The following ZHX3 variants were observed in gnomAD, a reference collection of about 807,000 sequenced individuals.
ZHX3 encodes zinc fingers and homeoboxes protein 3.
Under a neutral mutation model 64.5 loss-of-function variants are expected in ZHX3, and 20 were observed. The ratio of observed to expected loss-of-function variants is 0.31; its 90% CI spans 0.22 to 0.45. The LOEUF (loss-of-function observed/expected upper bound fraction) is 0.45. Among genes scored for constraint, ZHX3 ranks in the 20% least tolerant of loss-of-function variants. The pLI is 1.00. For synonymous variants in ZHX3, 423 were observed against 461.6 expected (o/e 0.92, Z 1.07); for missense variants, 1,041 against 1,195.8 (o/e 0.87, Z 1.91).
rs1307576355 is a variant in ZHX3 at position 41,288,857 on chromosome 20, T to C, written c.-244-19774A>G. 3.3e-5 allele frequency among the ~76,000 whole-genome samples: 5 copies of C among 152,252 alleles called. No homozygotes were observed. In the East Asian group the frequency reaches 7.7e-4, roughly 23 times the overall value. On this transcript the variant is annotated intron_variant, in intron 1 of 3. Coordinates refer to ENST00000683867, the MANE Select transcript of ZHX3 (RefSeq NM_001384317.1). ...AAAGTGACTTTGAATTTCAGGACTC[T>C]ATAATTTCATTCATTTAATTGTATG...
chr20:41,316,284 T>C (rs890816607), intron 1 of ZHX3, among the ~76,000 whole-genome samples: 2 of 152,234 alleles, frequency 1.3e-5, no homozygotes, highest in African/African-American at 4.8e-5. Flanking sequence ...TTTGATACTA[T>C]TTTGCGCTTC....
chr20:41,284,757 A>G (rs1342248878), intron 1 of ZHX3, among the ~76,000 whole-genome samples: 1 of 152,092 alleles, frequency 6.6e-6, no homozygotes, highest in African/African-American at 2.4e-5. Context: ...CATCAAATCT[A>G]GGGATGTTAT....
intron 2 of ZHX3, among the ~76,000 whole-genome samples, chr20:41,261,758 A>C (rs1005627698): frequency 1.3e-5 from 2 of 152,250 alleles, no homozygotes; most frequent in Admixed American, 6.5e-5. Flanking sequence ...GAGGGATTTT[A>C]TCTCTCTTCT....
intron 2 of ZHX3, among the ~76,000 whole-genome samples, chr20:41,263,979 A>G (rs766910522): frequency 6.6e-6 from 1 of 151,864 alleles, no homozygotes; most frequent in Non-Finnish European, 1.5e-5. Flanking sequence ...GGACACAAAA[A>G]GAAGCAATAA....
rs1194911572 is a variant in ZHX3 at position 41,232,015 on chromosome 20, T to C, written c.-150-26949A>G. Among the ~76,000 whole-genome samples, 1 of 152,142 alleles carries C rather than the reference T, an allele frequency of 6.6e-6. No individual in the cohort carries two copies. The highest frequency in any genetic ancestry group is 2.4e-5 in the African/African-American group (1 of 41,434). ...TTAAAACAACCACATTCCGTACCAT[T>C]AGACGCTGACAGCCCAGACCCCACC... On this transcript the variant is annotated intron_variant, in intron 2 of 3. Transcript: ENST00000683867. This position sits in a 1 kb window ranked among gnomAD's most constrained non-coding sequence, Gnocchi z 5.0.
rs527915264 is a variant in ZHX3, at chr20:41,203,993, C to T, written c.924G>A (p.Thr308=). 4.5e-5 allele frequency: 73 copies of T among 1,614,186 alleles called. No homozygotes were observed. In the South Asian group the frequency reaches 6.8e-4, roughly 15 times the overall value. The change falls in exon 3 of 4, where the codon ACG becomes ACA. Residue 308 remains threonine (T), a synonymous_variant. Transcript: ENST00000683867. This position sits in a 1 kb window ranked among gnomAD's most constrained non-coding sequence, Gnocchi z 7.1. Reference sequence around the variant, plus strand: ...TGTTAGAGTCCATGGCTGCATTGTACGTTGGAATGCTGCTCAGGGGGATCA... The same window carrying T: ...TGTTAGAGTCCATGGCTGCATTGTATGTTGGAATGCTGCTCAGGGGGATCA... ...KVMIPLSSIP[T]YNAAMDSNSF...
At chr20:41,190,221 T>C (rs4344974) in intron 3 of ZHX3, among the ~76,000 whole-genome samples, 88,239 of 152,060 alleles carry the variant, frequency 0.58, 26,921 homozygotes, top group East Asian at 0.82. Flanking sequence ...GTAGCCCAGG[T>C]GGAAGCACAG....
intron 1 of ZHX3, among the ~76,000 whole-genome samples, chr20:41,274,573 T>C (rs1047250731): frequency 6.6e-6 from 1 of 152,198 alleles, no homozygotes. Flanking sequence ...ATACAATCTG[T>C]TTTTTGCTCA....
chr20:41,203,674 C>A lies in ZHX3; in HGVS notation c.1243G>T (p.Val415Leu). Reference protein sequence around the residue: ...LIQAALPGHVVGQPEGTGGGL... With the variant: ...LIQAALPGHVLGQPEGTGGGL... ...CCTCCTGTACCCTCTGGCTGCCCCA[C>A]AACGTGACCTGGAAGAGCGGCCTGG... is the stretch of plus-strand genomic sequence containing the variant. The change falls in exon 3 of 4, where the codon GTG becomes TTG. Residue 415 changes from valine to leucine, a missense_variant. Physicochemically the swap from Val to Leu is conservative, Grantham distance 32 (BLOSUM62 1). This residue lies in a region of ZHX3 where 649 missense variants were observed against 739.8 expected (regional missense o/e 0.88). Transcript: ENST00000683867. The surrounding 1 kb of genome is among the most constrained non-coding windows in gnomAD (Gnocchi z 7.1). The A allele has an allele frequency of 1.9e-6, 3 of 1,614,150 alleles. No individual in the cohort carries two copies. In the South Asian group the frequency reaches 3.3e-5, roughly 18 times the overall value.
rs1278141661 is a variant in ZHX3 at position 41,178,833 on chromosome 20, C to A, written c.*6358G>T. On this transcript the variant is annotated 3_prime_UTR_variant, in exon 4 of 4. Transcript: ENST00000683867. Reference sequence around the variant, plus strand: ...CACCTGGCCATGGCAGGAGATGGGACCCTCTTGCAGAGTTTGGCTAAAGTT... The same window carrying A: ...CACCTGGCCATGGCAGGAGATGGGAACCTCTTGCAGAGTTTGGCTAAAGTT... 1 of 152,656 alleles carries A rather than the reference C, an allele frequency of 6.6e-6. No homozygotes were observed. The highest frequency in any genetic ancestry group is 1.5e-5 in the Non-Finnish European group (1 of 68,050). 9.5% of individuals were successfully genotyped at this position (152,656 alleles called of 1,614,324 possible). A position where few individuals can be genotyped will look rare whatever the true frequency, so the allele number is the denominator to read the frequency against.
At chr20:41,209,100 AAG>A in intron 2 of ZHX3, among the ~76,000 whole-genome samples, 1 of 152,318 alleles carries the variant, frequency 6.6e-6, no homozygotes, top group East Asian at 1.9e-4. Flanking sequence ...GATTGCTTCA[AAG>A]AGAATAAAAT....
At chr20:41,221,219 G>A (rs776657642) in intron 2 of ZHX3, among the ~76,000 whole-genome samples, 11 of 152,088 alleles carry the variant, frequency 7.2e-5, no homozygotes, top group African/African-American at 1.4e-4. Context: ...TAGTCTGAGC[G>A]TATTTATCAC....
intron 3 of ZHX3, among the ~76,000 whole-genome samples, chr20:41,199,393 T>A (rs2038030634): frequency 6.6e-6 from 1 of 152,174 alleles, no homozygotes; most frequent in Non-Finnish European, 1.5e-5. Context: ...GATTGCTGAT[T>A]TTTGCTTATT....
At chr20:41,205,599 T>C (rs1198218699) in intron 2 of ZHX3, among the ~76,000 whole-genome samples, 1 of 152,178 alleles carries the variant, frequency 6.6e-6, no homozygotes, top group Non-Finnish European at 1.5e-5. Context: ...GAAGACCGGC[T>C]GCTGTAAGAG....
chr20:41,218,328 A>C (rs2039692872), intron 2 of ZHX3, among the ~76,000 whole-genome samples: 1 of 152,068 alleles, frequency 6.6e-6, no homozygotes, highest in Admixed American at 6.6e-5. Context: ...GCTTGTAGTC[A>C]CAGCTAATTG....
At position 41,184,759 on chromosome 20, in the gene ZHX3, G is replaced by A. The variant is rs2036379830; in HGVS notation, c.*432C>T. On this transcript the variant is annotated 3_prime_UTR_variant, in exon 4 of 4. Transcript: ENST00000683867. ...AGCAATCCCCAGAGAACAGACACAG[G>A]TCATTTTTAGAGATGACGTAACTGA... 3.3e-6 allele frequency: 3 copies of A among 903,862 alleles called. No individual in the cohort carries two copies. The South Asian group carries it at 5.4e-5, about 16-fold the overall frequency. 56.0% of individuals were successfully genotyped at this position (903,862 alleles called of 1,614,324 possible). A position where few individuals can be genotyped will look rare whatever the true frequency, so the allele number is the denominator to read the frequency against.
chr20:41,211,098 G>A (rs778263704), intron 2 of ZHX3, among the ~76,000 whole-genome samples: 68 of 152,120 alleles, frequency 4.5e-4, no homozygotes, highest in Non-Finnish European at 5.0e-4. Context: ...ATATATAAAA[G>A]ACCGAAATTA....
At chr20:41,276,604 G>T (rs780901600) in intron 1 of ZHX3, among the ~76,000 whole-genome samples, 15 of 152,134 alleles carry the variant, frequency 9.9e-5, no homozygotes, top group Non-Finnish European at 1.8e-4. Context: ...CAGGCCTGCC[G>T]TTCTGTGCCC....
At chr20:41,268,951 A>G (rs998588233) in intron 2 of ZHX3, 39 bp downstream of exon 2, 2 of 152,238 alleles carry the variant, frequency 1.3e-5, no homozygotes, top group African/African-American at 4.8e-5. Context: ...GAAAACTCAG[A>G]AGCATGCTAT....
Sources: gnomAD v4.1 joint callset for allele counts (sites outside exome capture counted in the v4.1 genomes callset) on GRCh38, gnomAD v4.1.1 for gene constraint, gnomAD v4.1.1 regional missense constraint, Gnocchi (gnomAD v3.1) non-coding constraint, MANE v1.5 for transcripts, NCBI Gene and HGNC (gene_info 2026-07-23, HGNC 2026-07-21) for gene names.